Variants in GRID2 observed in about 807,000 individuals in gnomAD.
The protein encoded by GRID2 is glutamate receptor ionotropic, delta-2.
A neutral mutation model predicts 114.8 loss-of-function variants in GRID2; 33 were observed. That is an observed-to-expected ratio of 0.29 (90% confidence interval 0.22 to 0.38). The LOEUF (loss-of-function observed/expected upper bound fraction) is 0.38. Ranked by LOEUF, GRID2 falls within the 10% of genes least tolerant of loss-of-function variation. The pLI, the probability that GRID2 is intolerant of heterozygous loss-of-function variation, is 1.00. For synonymous variants in GRID2, 505 were observed against 449.9 expected, an observed-to-expected ratio of 1.12 and a Z score of -1.55; for missense variants, 1,184 against 1,257.7, an observed-to-expected ratio of 0.94 and a Z score of 0.89.
chr4:92,614,959 T>A (rs959563325), intron 2 of GRID2, among the ~76,000 whole-genome samples: 8 of 151,476 alleles, frequency 5.3e-5, no homozygotes, highest in African/African-American at 1.9e-4. Flanking sequence ...TTTTTTTCTT[T>A]TAGTAACCTC....
At chr4:92,471,955 A>T (rs1270146226) in intron 1 of GRID2, among the ~76,000 whole-genome samples, 2 of 72,110 alleles carry the variant, frequency 2.8e-5, no homozygotes, top group East Asian at 4.2e-4. Flanking sequence ...TTTTTTTGAG[A>T]CGGAGTCTCG....
chr4:93,217,490 A>G (rs1328485758), intron 6 of GRID2, among the ~76,000 whole-genome samples: 1 of 152,116 alleles, frequency 6.6e-6, no homozygotes, highest in Non-Finnish European at 1.5e-5. Context: ...CCTGTAGCTT[A>G]CTCATAAGAA....
In GRID2 at chr4:93,121,915, G is replaced by T. The variant is rs1733815133; in HGVS notation, c.735+10962G>T. Among the ~76,000 whole-genome samples, 3 of 152,044 alleles carry T rather than the reference G, an allele frequency of 2.0e-5. No homozygotes were observed. In the South Asian group the frequency reaches 6.2e-4, roughly 32 times the overall value. On this transcript the variant is annotated intron_variant, in intron 4 of 15. Transcript: ENST00000282020. ...TATTTTGTATATTTATTTGCTTCGA[G>T]GATATTTTTCTTTTATGGAGTGCCT...
At chr4:93,393,548 C>A (rs775048913) in intron 8 of GRID2, among the ~76,000 whole-genome samples, 8 of 151,990 alleles carry the variant, frequency 5.3e-5, no homozygotes, top group Non-Finnish European at 1.0e-4. Context: ...ATTCTACCTA[C>A]TTCAAATGCT....
At chr4:92,473,910 G>A (rs539397727) in intron 1 of GRID2, among the ~76,000 whole-genome samples, 1 of 150,882 alleles carries the variant, frequency 6.6e-6, no homozygotes, top group East Asian at 1.9e-4. Flanking sequence ...ATTGTGAAAT[G>A]ATTACCACAA....
At chr4:92,902,830 G>C (rs1317973493) in intron 2 of GRID2, among the ~76,000 whole-genome samples, 1 of 151,754 alleles carries the variant, frequency 6.6e-6, no homozygotes, top group Non-Finnish European at 1.5e-5. Context: ...TGGATTCTCT[G>C]TTCTAGTGAT....
intron 13 of GRID2, among the ~76,000 whole-genome samples, chr4:93,562,000 G>C (rs898285957): frequency 6.6e-6 from 1 of 152,080 alleles, no homozygotes; most frequent in African/African-American, 2.4e-5. Context: ...TCATGTGCAA[G>C]CTTTTGTACA....
intron 1 of GRID2, among the ~76,000 whole-genome samples, chr4:92,519,016 A>G (rs1167541249): frequency 6.6e-6 from 1 of 151,932 alleles, no homozygotes; most frequent in Non-Finnish European, 1.5e-5. Context: ...TAAGAAAAAC[A>G]GAATTCCAGA....
intron 2 of GRID2, among the ~76,000 whole-genome samples, chr4:92,613,699 T>A (rs1729865138): frequency 6.6e-6 from 1 of 151,510 alleles, no homozygotes; most frequent in Admixed American, 6.6e-5. Flanking sequence ...ATTTTTTTTA[T>A]AATCCTGTCT....
At chr4:93,249,734 C>T (rs902624041) in intron 8 of GRID2, among the ~76,000 whole-genome samples, 1 of 151,768 alleles carries the variant, frequency 6.6e-6, no homozygotes, top group African/African-American at 2.4e-5. Flanking sequence ...AGCCAACAAA[C>T]ATATGAAAAA....
At chr4:93,391,922 A>T (rs1472886725) in intron 8 of GRID2, among the ~76,000 whole-genome samples, 1 of 152,188 alleles carries the variant, frequency 6.6e-6, no homozygotes, top group Non-Finnish European at 1.5e-5. Flanking sequence ...TAATTAAAGC[A>T]CTAGGCATTT....
At chr4:92,560,934 C>A (rs953743304) in intron 1 of GRID2, among the ~76,000 whole-genome samples, 3 of 152,114 alleles carry the variant, frequency 2.0e-5, no homozygotes, top group African/African-American at 7.2e-5. Context: ...TCTTGAACTC[C>A]TGACCTCAGG....
intron 14 of GRID2, among the ~76,000 whole-genome samples, chr4:93,736,972 G>A (rs1300279013): frequency 6.6e-6 from 1 of 151,702 alleles, no homozygotes; most frequent in African/African-American, 2.4e-5. Flanking sequence ...GAGGTAACAC[G>A]TTGAGCTTTG....
chr4:92,843,956 A>G (rs555308120), intron 2 of GRID2, among the ~76,000 whole-genome samples: 1 of 152,228 alleles, frequency 6.6e-6, no homozygotes, highest in South Asian at 2.1e-4. Flanking sequence ...ATGCTGGTTC[A>G]CTGAATATTG....
intron 14 of GRID2, among the ~76,000 whole-genome samples, chr4:93,712,485 A>T (rs1453827154): frequency 3.3e-5 from 5 of 152,156 alleles, no homozygotes; most frequent in African/African-American, 1.2e-4. Context: ...ATAATGTTTT[A>T]TAATTCTCCT....
At chr4:92,796,484 G>C (rs1739882513) in intron 2 of GRID2, among the ~76,000 whole-genome samples, 1 of 151,874 alleles carries the variant, frequency 6.6e-6, no homozygotes, top group Non-Finnish European at 1.5e-5. Context: ...TAGCTTTATA[G>C]GTAGGGCAAT....
intron 2 of GRID2, among the ~76,000 whole-genome samples, chr4:92,763,990 G>A (rs976421887): frequency 3.3e-5 from 5 of 152,082 alleles, no homozygotes; most frequent in African/African-American, 9.7e-5. Context: ...TAAAAAAAAC[G>A]TTAAAGGCAG....
At chr4:93,130,956 A>G (rs893810805) in intron 4 of GRID2, among the ~76,000 whole-genome samples, 3 of 152,018 alleles carry the variant, frequency 2.0e-5, no homozygotes, top group Non-Finnish European at 4.4e-5. Context: ...TCTGCCTTTC[A>G]TCTTTCTATG....
rs1417557230 is a variant in GRID2 at position 93,645,944 on chromosome 4, G to A, written c.2360+19509G>A. Among the ~76,000 whole-genome samples the A allele has an allele frequency of 5.3e-5, 8 of 152,180 alleles. No homozygotes were observed. The South Asian group carries it at 1.7e-3, about 32-fold the overall frequency. Reference sequence around the variant, plus strand: ...ATTTTTGTTAATAATATTTGAGGGGGAAAGAAGACAATCCTATCATCACTA... The same window carrying A: ...ATTTTTGTTAATAATATTTGAGGGGAAAAGAAGACAATCCTATCATCACTA... On this transcript the variant is annotated intron_variant, in intron 14 of 15. Coordinates refer to ENST00000282020, the MANE Select transcript of GRID2 (RefSeq NM_001510.4).
Sources: allele counts gnomAD v4.1 joint callset (sites outside exome capture counted in the v4.1 genomes callset), GRCh38; gene constraint gnomAD v4.1.1; transcripts MANE v1.5; gene names NCBI Gene and HGNC (gene_info 2026-07-23, HGNC 2026-07-21).